FBXL17: variants seen among roughly 807,000 people sequenced by gnomAD.
FBXL17 encodes the protein F-box/LRR-repeat protein 17.
FBXL17 carries 22 observed loss-of-function variants against 66.2 expected under a neutral mutation model. The ratio of observed to expected loss-of-function variants is 0.33; its 90% CI spans 0.24 to 0.47. The LOEUF is 0.47. Among genes scored for constraint, FBXL17 ranks in the 20% least tolerant of loss-of-function variants. The pLI, the probability that FBXL17 is intolerant of heterozygous loss-of-function variation, is 1.00. For missense variants in FBXL17, 878 were observed against 948.2 expected, an observed-to-expected ratio of 0.93 and a Z score of 0.97; for synonymous variants, 474 against 400.5, an observed-to-expected ratio of 1.18 and a Z score of -2.19.
chr5:108,349,349 C>T (rs1747496053), intron 3 of FBXL17, among the ~76,000 whole-genome samples: 1 of 152,066 alleles, frequency 6.6e-6, no homozygotes, highest in African/African-American at 2.4e-5. Context: ...GTGGTTAATT[C>T]TGATTAGCGC....
Position 108,314,845 on chromosome 5 carries a change from A to C in FBXL17, c.1506+33554T>G, listed in dbSNP as rs145744627. 2.4e-3 allele frequency among the ~76,000 whole-genome samples: 368 copies of C among 151,594 alleles called. 1 individual carries two copies. The highest frequency in any genetic ancestry group is 8.6e-3 in the African/African-American group (358 of 41,514). Reference sequence around the variant, plus strand: ...TCTATAGTCTTATTTTAGTCCTACAAAACACTGCAGACTAGGTTAAGACAG... The same window carrying C: ...TCTATAGTCTTATTTTAGTCCTACACAACACTGCAGACTAGGTTAAGACAG... On this transcript the variant is annotated intron_variant, in intron 4 of 8. Coordinates refer to ENST00000542267, the MANE Select transcript of FBXL17 (RefSeq NM_001163315.3).
chr5:108,280,837 C>T (rs1018364112), intron 4 of FBXL17, among the ~76,000 whole-genome samples: 4 of 151,360 alleles, frequency 2.6e-5, no homozygotes, highest in African/African-American at 9.7e-5. Context: ...ATATTCCACA[C>T]AAACGTAAAT....
Position 108,322,198 on chromosome 5 carries a change from T to C in FBXL17, c.1506+26201A>G, listed in dbSNP as rs370786153. ...TGACTCAGCAATCCCATCCTGAGAC[T>C]GTCTCCTACAAATACACCTAAATTT... On this transcript the variant is annotated intron_variant, in intron 4 of 8. Transcript: ENST00000542267. 2.5e-4 allele frequency among the ~76,000 whole-genome samples: 38 copies of C among 152,088 alleles called. No individual in the cohort carries two copies. In the South Asian group the frequency reaches 7.7e-3, roughly 31 times the overall value.
At chr5:108,361,033 T>G (rs1347380483) in intron 3 of FBXL17, among the ~76,000 whole-genome samples, 1 of 152,116 alleles carries the variant, frequency 6.6e-6, no homozygotes, top group Non-Finnish European at 1.5e-5. Flanking sequence ...TTTGAGCATA[T>G]TTCAGATAAT....
chr5:108,377,122 G>T (rs1477258130), intron 1 of FBXL17, among the ~76,000 whole-genome samples: 2 of 152,154 alleles, frequency 1.3e-5, no homozygotes, highest in Non-Finnish European at 2.9e-5. Context: ...TGCTCAAACA[G>T]CTTGAGCCTG....
At chr5:108,065,046 C>T (rs1437400880) in intron 6 of FBXL17, among the ~76,000 whole-genome samples, 1 of 151,912 alleles carries the variant, frequency 6.6e-6, no homozygotes, top group African/African-American at 2.4e-5. Context: ...CTCTTCTATC[C>T]CTAGAAGCTC....
chr5:107,980,202 G>C (rs982747829), intron 7 of FBXL17, among the ~76,000 whole-genome samples: 21 of 151,952 alleles, frequency 1.4e-4, no homozygotes, highest in African/African-American at 4.6e-4. Flanking sequence ...AAAGTAAAGT[G>C]GCAAGGCACC....
At chr5:108,303,769 CTTAG>C in intron 4 of FBXL17, among the ~76,000 whole-genome samples, 1 of 151,838 alleles carries the variant, frequency 6.6e-6, no homozygotes. Context: ...CTCTCATTCT[CTTAG>C]TAACAGTGGA....
At chr5:108,323,739 AAGAC>A (rs1759726514) in intron 4 of FBXL17, among the ~76,000 whole-genome samples, 1 of 152,036 alleles carries the variant, frequency 6.6e-6, no homozygotes, top group South Asian at 2.1e-4. Flanking sequence ...TGCTGGCAAA[AAGAC>A]AGACATAGAC....
chr5:108,199,438 G>A (rs1236969725), intron 5 of FBXL17, among the ~76,000 whole-genome samples: 1 of 152,158 alleles, frequency 6.6e-6, no homozygotes, highest in African/African-American at 2.4e-5. Context: ...CAACTCTGTT[G>A]TTGCTAGAAG....
chr5:108,047,010 T>C (rs1747277016), intron 6 of FBXL17, among the ~76,000 whole-genome samples: 1 of 152,148 alleles, frequency 6.6e-6, no homozygotes, highest in Non-Finnish European at 1.5e-5. Flanking sequence ...GAAAAACGTC[T>C]TGGATTGGGT....
chr5:108,083,496 G>C (rs1193149992), intron 6 of FBXL17, among the ~76,000 whole-genome samples: 1 of 152,018 alleles, frequency 6.6e-6, no homozygotes, highest in Non-Finnish European at 1.5e-5. Context: ...CGCCACCCAG[G>C]CTCAAGCCAT....
intron 6 of FBXL17, among the ~76,000 whole-genome samples, 200 bp from the exon 7 acceptor site, chr5:108,021,201 C>T (rs535045604): frequency 6.6e-6 from 1 of 151,644 alleles, no homozygotes; most frequent in Admixed American, 6.6e-5. Context: ...ATGACTAGTG[C>T]ATCTTTTAAA....
At chr5:108,009,284 TATATATATATATATATAC>T (rs1397736875) in intron 7 of FBXL17, among the ~76,000 whole-genome samples, 3 of 24,568 alleles carry the variant, frequency 1.2e-4, no homozygotes, top group East Asian at 2.2e-3. Flanking sequence ...TATATATATA[TATATATATATATATATAC>T]ATATATACAT....
intron 5 of FBXL17, among the ~76,000 whole-genome samples, chr5:108,194,163 T>C (rs1315701675): frequency 6.6e-6 from 1 of 152,178 alleles, no homozygotes; most frequent in Non-Finnish European, 1.5e-5. Flanking sequence ...CCCTGAAATC[T>C]GTTAAGCCAA....
Position 107,955,093 on chromosome 5 carries a change from G to C in FBXL17, c.1822+65832C>G, listed in dbSNP as rs1037334716. 2.6e-5 allele frequency among the ~76,000 whole-genome samples: 4 copies of C among 152,010 alleles called. No homozygotes were observed. The East Asian group carries it at 5.8e-4, about 22-fold the overall frequency. On this transcript the variant is annotated intron_variant, in intron 7 of 8. Transcript: ENST00000542267. ...GTTTTAATTATAAAACAATTTCTTA[G>C]AAAAATAAAATGCTAAAAGCTAGTA...
intron 4 of FBXL17, among the ~76,000 whole-genome samples, chr5:108,307,071 C>T (rs1296662513): frequency 1.3e-5 from 2 of 151,896 alleles, no homozygotes; most frequent in African/African-American, 4.8e-5. Context: ...ACCCCTATAC[C>T]TCTCACTTCT....
intron 7 of FBXL17, among the ~76,000 whole-genome samples, chr5:107,887,689 C>A (rs532363468): frequency 6.6e-6 from 1 of 152,158 alleles, no homozygotes; most frequent in African/African-American, 2.4e-5. Flanking sequence ...ATGGTCCCTG[C>A]GAAGGCTCCC....
chr5:108,303,085 T>C (rs1407408286), intron 4 of FBXL17, among the ~76,000 whole-genome samples: 1 of 151,832 alleles, frequency 6.6e-6, no homozygotes, highest in Non-Finnish European at 1.5e-5. Flanking sequence ...ACAAAATGCT[T>C]AACTTTTAAT....
Sources: gnomAD v4.1 joint callset for allele counts (sites outside exome capture counted in the v4.1 genomes callset) on GRCh38, gnomAD v4.1.1 for gene constraint, MANE v1.5 for transcripts, NCBI Gene and HGNC (gene_info 2026-07-23, HGNC 2026-07-21) for gene names.